The following HADHA variants were observed in gnomAD, a reference collection of about 807,000 sequenced individuals.
HADHA encodes the protein hydroxyacyl-CoA dehydrogenase trifunctional multienzyme complex subunit alpha.
Under a neutral mutation model 91.3 loss-of-function variants are expected in HADHA, and 59 were observed. The ratio of observed to expected loss-of-function variants is 0.65; its 90% CI spans 0.52 to 0.80. The LOEUF is 0.80. HADHA is among the 30% of genes least tolerant of loss of function. The pLI, the probability that HADHA is intolerant of heterozygous loss-of-function variation, is 0.00. For missense variants in HADHA, 800 were observed against 927.6 expected (o/e 0.86, Z 1.79); for synonymous variants, 320 against 338.9 (o/e 0.94, Z 0.61).
chr2:26,230,070 G>A (rs1371810409), intron 7 of HADHA, 122 bp downstream of exon 7: 28 of 689,464 alleles, frequency 4.1e-5, no homozygotes, highest in African/African-American at 7.1e-5. Flanking sequence ...TGATCTTCCC[G>A]CCTCAGCCTC....
At chr2:26,239,205 T>C (rs1054242812) in intron 1 of HADHA, 62 bp from the exon 2 acceptor site, 17 of 1,062,322 alleles carry the variant, frequency 1.6e-5, no homozygotes, top group Non-Finnish European at 2.5e-5. Flanking sequence ...CTTTTATATA[T>C]AACAAAGCTG....
chr2:26,237,596 C>G (rs1338845444), intron 3 of HADHA, among the ~76,000 whole-genome samples: 2 of 152,036 alleles, frequency 1.3e-5, no homozygotes, highest in African/African-American at 4.8e-5. Flanking sequence ...CCACTGCACT[C>G]CAGCCTAGGC....
chr2:26,203,125 T>A (rs1332589383), intron 12 of HADHA, among the ~76,000 whole-genome samples: 1 of 152,214 alleles, frequency 6.6e-6, no homozygotes, highest in Non-Finnish European at 1.5e-5. Flanking sequence ...ATTTTTTTGG[T>A]CAGAATCTTC....
In HADHA at chr2:26,192,251, A is replaced by C. The variant is rs985814004; in HGVS notation, c.2000+59T>G. The C allele has an allele frequency of 4.6e-6, 4 of 874,680 alleles. No homozygotes were observed. In the Admixed American group the frequency reaches 5.2e-5, roughly 11 times the overall value. The allele number at this position is 874,680 out of a possible 1,614,324, so 54.2% of individuals were successfully genotyped here. Reference sequence around the variant, plus strand: ...AAAAAAAAATGGAAGAGGGGCTGGGAAGCTTTGGGCTGTCAGAGAAAGTCA... The same window carrying C: ...AAAAAAAAATGGAAGAGGGGCTGGGCAGCTTTGGGCTGTCAGAGAAAGTCA... On this transcript the variant is annotated intron_variant, in intron 18 of 19. Transcript: ENST00000380649.
chr2:26,230,847 G>A (rs1007791387), intron 6 of HADHA, among the ~76,000 whole-genome samples: 2 of 152,002 alleles, frequency 1.3e-5, no homozygotes, highest in African/African-American at 4.8e-5. Flanking sequence ...GCTTGAATCC[G>A]GAGGCAGAGG....
At chr2:26,237,199 T>C (rs1167955831) in intron 3 of HADHA, among the ~76,000 whole-genome samples, 4 of 152,164 alleles carry the variant, frequency 2.6e-5, no homozygotes, top group Non-Finnish European at 5.9e-5. Context: ...CCTTTAAAAA[T>C]AGGTCTTCTC....
At chr2:26,217,391 A>G (rs772611636) in intron 7 of HADHA, among the ~76,000 whole-genome samples, 1 of 152,184 alleles carries the variant, frequency 6.6e-6, no homozygotes, top group African/African-American at 2.4e-5. Context: ...AGACAGAAAA[A>G]TATTTGAAGA....
At chr2:26,199,586 T>G (rs1180195092) in intron 13 of HADHA, among the ~76,000 whole-genome samples, 1 of 152,200 alleles carries the variant, frequency 6.6e-6, no homozygotes, top group Non-Finnish European at 1.5e-5. Flanking sequence ...AAGTAGAGTC[T>G]GTTTCCCTTC....
At position 26,215,120 on chromosome 2, in the gene HADHA, T is replaced by C; in HGVS notation, c.732A>G (p.Ala244=). The C allele has an allele frequency of 1.9e-6, 3 of 1,608,202 alleles. No individual in the cohort carries two copies. Among genetic ancestry groups the C allele is most frequent in the Non-Finnish European group, 2.6e-6 (3 of 1,174,650 alleles). Residue 244 remains alanine (A), a synonymous_variant, in exon 8 of 20, where the codon GCA becomes GCG. Coordinates refer to ENST00000380649, the MANE Select transcript of HADHA (RefSeq NM_000182.5). ...ERTIEYLEEV[A]ITFAKGLADK... ...CAGCTAGTCCTTTGGCAAAAGTAAT[T>C]GCAACTTCTTCTAGGTATTCTATTG...
intron 11 of HADHA, among the ~76,000 whole-genome samples, chr2:26,207,805 T>A (rs1670006883): frequency 6.6e-6 from 1 of 152,232 alleles, no homozygotes; most frequent in Non-Finnish European, 1.5e-5. Flanking sequence ...CTTCACTTAT[T>A]AGAACTGATG....
chr2:26,236,382 G>GTA (rs1670759494), intron 4 of HADHA, among the ~76,000 whole-genome samples: 2 of 42,712 alleles, frequency 4.7e-5, no homozygotes, highest in African/African-American at 8.8e-5. Context: ...TATATACTCT[G>GTA]TGTGTGTGTG....
chr2:26,224,090 C>T (rs1670434802), intron 7 of HADHA, among the ~76,000 whole-genome samples: 1 of 152,188 alleles, frequency 6.6e-6, no homozygotes, highest in African/African-American at 2.4e-5. Flanking sequence ...CTACTCCACT[C>T]TCCTCACCCA....
intron 4 of HADHA, among the ~76,000 whole-genome samples, chr2:26,236,359 G>GTGTGTATA (rs141555532): frequency 6.5e-4 from 89 of 137,926 alleles, no homozygotes; most frequent in Middle Eastern, 7.5e-3. Flanking sequence ...GTGTGTGTGT[G>GTGTGTATA]TATATATATA....
rs760044633 is a variant in HADHA at position 26,195,221 on chromosome 2, C to T, written c.1491G>A (p.Met497Ile). ...VSKRPEKVIG[M>I]HYFSPVDKMQ... The stretch of plus-strand genomic sequence containing the variant: ...TCTTGTCCACGGGAGAGAAGTAGTG[C>T]ATGCCAATCACCTGGCAAGGGGAAC... The change falls in exon 15 of 20, where the codon ATG (methionine) becomes ATA (isoleucine). Residue 497 changes from methionine to isoleucine, a missense_variant. Physicochemically the swap from Met to Ile is conservative, Grantham distance 10 (BLOSUM62 1). Transcript: ENST00000380649. The T allele has an allele frequency of 5.0e-6, 8 of 1,613,114 alleles. No homozygotes were observed. The South Asian group carries it at 6.6e-5, about 13-fold the overall frequency.
intron 7 of HADHA, among the ~76,000 whole-genome samples, chr2:26,217,001 C>T (rs74363217): frequency 0.013 from 1,955 of 152,108 alleles, 62 homozygotes; most frequent in East Asian, 0.046. Context: ...AAGGAGCAGA[C>T]GTGATGTTCA....
At position 26,236,969 on chromosome 2, in the gene HADHA, T is replaced by C. The variant is rs768812746; in HGVS notation, c.200A>G (p.Glu67Gly). The stretch of plus-strand genomic sequence containing the variant: ...AACTTCTGAGAACTCTGAATGTAGC[T>C]CTTTACTCAGTGTATTTACCTGCCA... ...PNSKVNTLSK[E>G]LHSEFSEVMN... Residue 67 changes from glutamate to glycine, a missense_variant, in exon 4 of 20, where the codon GAG becomes GGG. Transcript: ENST00000380649. 6.2e-7 allele frequency: 1 copy of C among 1,609,912 alleles called. No homozygotes were observed. Among genetic ancestry groups the C allele is most frequent in the Non-Finnish European group, 8.5e-7 (1 of 1,176,110 alleles).
At chr2:26,237,102 C>A in intron 3 of HADHA, 114 bp from the exon 4 acceptor site, 1 of 831,988 alleles carries the variant, frequency 1.2e-6, no homozygotes, top group Non-Finnish European at 2.1e-6. Flanking sequence ...CAGAAATATA[C>A]TGTTAGAAGA....
intron 10 of HADHA, 88 bp downstream of exon 10, chr2:26,212,481 AT>A: frequency 4.3e-6 from 4 of 936,728 alleles, no homozygotes; most frequent in Non-Finnish European, 5.3e-6. Context: ...GGCTTTGGAT[AT>A]TTTTTTCCTT....
chr2:26,242,610 C>T (rs1670925596), intron 1 of HADHA, among the ~76,000 whole-genome samples: 1 of 152,280 alleles, frequency 6.6e-6, no homozygotes, highest in Admixed American at 6.5e-5. Flanking sequence ...TGCTTGATAT[C>T]TAAAATAACT....
Sources: allele counts gnomAD v4.1 joint callset (sites outside exome capture counted in the v4.1 genomes callset), GRCh38; gene constraint gnomAD v4.1.1; transcripts MANE v1.5; gene names NCBI Gene and HGNC (gene_info 2026-07-23, HGNC 2026-07-21).